Variants in AFF1 observed in about 807,000 individuals in gnomAD.
AFF1 encodes the protein ALF transcription elongation factor 1.
AFF1 carries 48 observed loss-of-function variants against 121.7 expected under a neutral mutation model. That is an observed-to-expected ratio of 0.39 (90% CI 0.31 to 0.50). The LOEUF is 0.50. AFF1 is among the 20% of genes least tolerant of loss of function. The pLI, the probability that AFF1 is intolerant of heterozygous loss-of-function variation, is 0.76. For missense variants in AFF1, 1,523 were observed against 1,511.7 expected (o/e 1.01, Z -0.12); for synonymous variants, 613 against 563.0 (o/e 1.09, Z -1.26).
chr4:87,125,467 A>G (rs553206942), intron 13 of AFF1, among the ~76,000 whole-genome samples: 25 of 152,290 alleles, frequency 1.6e-4, no homozygotes, highest in Non-Finnish European at 3.2e-4. Context: ...ACAAACACAC[A>G]GAGAAAATGA....
At chr4:87,134,845 C>T (rs1729165995) in intron 20 of AFF1, 151 bp downstream of exon 20, 1 of 789,284 alleles carries the variant, frequency 1.3e-6, no homozygotes, top group Admixed American at 3.0e-5. Flanking sequence ...TGCCTCAAAA[C>T]CTAGTTGCGG....
At chr4:86,959,374 A>G (rs1409245246) in intron 2 of AFF1, among the ~76,000 whole-genome samples, 1 of 152,222 alleles carries the variant, frequency 6.6e-6, no homozygotes, top group Non-Finnish European at 1.5e-5. Flanking sequence ...TTTACATTAA[A>G]AAAAGAAACC....
intron 2 of AFF1, among the ~76,000 whole-genome samples, chr4:86,961,285 A>G (rs1722125576): frequency 6.6e-6 from 1 of 152,168 alleles, no homozygotes; most frequent in African/African-American, 2.4e-5. Context: ...TGAAAAAGGG[A>G]AAAGGAAGAT....
At chr4:86,962,546 T>A (rs1456726794) in intron 2 of AFF1, among the ~76,000 whole-genome samples, 2 of 152,200 alleles carry the variant, frequency 1.3e-5, no homozygotes, top group Non-Finnish European at 2.9e-5. Flanking sequence ...AACTTCATGA[T>A]GTTCATAGAA....
intron 4 of AFF1, among the ~76,000 whole-genome samples, chr4:87,067,593 C>G (rs1721490577): frequency 6.6e-6 from 1 of 152,172 alleles, no homozygotes; most frequent in Admixed American, 6.5e-5. Flanking sequence ...TGCACAGAGT[C>G]AGGGGCCTGC....
At chr4:86,952,975 T>G (rs1243434096) in intron 2 of AFF1, among the ~76,000 whole-genome samples, 1 of 7,950 alleles carries the variant, frequency 1.3e-4, no homozygotes, top group Non-Finnish European at 2.8e-4. Flanking sequence ...CACCCCCACC[T>G]TCAGCCTCCC....
intron 2 of AFF1, among the ~76,000 whole-genome samples, chr4:86,977,941 A>C (rs1441922188): frequency 6.6e-6 from 1 of 152,072 alleles, no homozygotes; most frequent in African/African-American, 2.4e-5. Flanking sequence ...CTGTGAGGGG[A>C]TACATAGATG....
intron 1 of AFF1, 85 bp downstream of exon 1, chr4:86,935,325 G>A (rs1355047381): frequency 6.6e-6 from 1 of 152,498 alleles, no homozygotes; most frequent in Non-Finnish European, 1.5e-5. Flanking sequence ...CGGAAGCCGA[G>A]GCTCTCCCCG....
intron 8 of AFF1, among the ~76,000 whole-genome samples, chr4:87,104,862 AT>A (rs72230942): frequency 0.027 from 3,889 of 144,078 alleles, 154 homozygotes; most frequent in African/African-American, 0.085. Flanking sequence ...GTTTGAGGAA[AT>A]TTTTTTTTTT....
At chr4:87,060,367 A>G (rs879711901) in intron 4 of AFF1, among the ~76,000 whole-genome samples, 7 of 152,192 alleles carry the variant, frequency 4.6e-5, no homozygotes, top group South Asian at 4.1e-4. Flanking sequence ...GTGTGTGTGT[A>G]TATATACTTC....
intron 4 of AFF1, among the ~76,000 whole-genome samples, chr4:87,050,039 T>G (rs993340972): frequency 6.6e-6 from 1 of 152,232 alleles, no homozygotes; most frequent in Non-Finnish European, 1.5e-5. Context: ...ATTTCAAATT[T>G]TAATATTTCT....
At chr4:86,961,847 G>A (rs572625368) in intron 2 of AFF1, among the ~76,000 whole-genome samples, 19 of 152,116 alleles carry the variant, frequency 1.2e-4, no homozygotes, top group Non-Finnish European at 2.2e-4. Context: ...ACCTCTCAAC[G>A]GTTAGAAGTT....
intron 6 of AFF1, among the ~76,000 whole-genome samples, chr4:87,091,447 T>G (rs1383227860): frequency 1.3e-5 from 2 of 152,214 alleles, no homozygotes; most frequent in African/African-American, 4.8e-5. Context: ...TCATTATTGC[T>G]TGTTTTAAAT....
At chr4:86,977,572 C>G (rs1434676754) in intron 2 of AFF1, among the ~76,000 whole-genome samples, 1 of 152,066 alleles carries the variant, frequency 6.6e-6, no homozygotes, top group Non-Finnish European at 1.5e-5. Flanking sequence ...TTCCCTCACC[C>G]CCTGCATAAT....
At chr4:86,972,001 A>C (rs1373376722) in intron 2 of AFF1, among the ~76,000 whole-genome samples, 2 of 151,960 alleles carry the variant, frequency 1.3e-5, no homozygotes, top group Non-Finnish European at 2.9e-5. Context: ...AGTCGGGAAT[A>C]GTGGCACATG....
intron 2 of AFF1, among the ~76,000 whole-genome samples, chr4:87,023,016 C>G (rs1463113409): frequency 3.9e-5 from 6 of 151,942 alleles, no homozygotes; most frequent in Admixed American, 3.9e-4. Flanking sequence ...GATCCTCTTG[C>G]CTCACCCTCC....
At chr4:87,118,458 A>G (rs1215617378) in intron 12 of AFF1, among the ~76,000 whole-genome samples, 1 of 152,238 alleles carries the variant, frequency 6.6e-6, no homozygotes, top group East Asian at 1.9e-4. Context: ...AGATTTTCTA[A>G]TACCAACTTA....
intron 2 of AFF1, among the ~76,000 whole-genome samples, chr4:87,033,391 G>C (rs540174727): frequency 6.6e-6 from 1 of 152,282 alleles, no homozygotes; most frequent in African/African-American, 2.4e-5. Flanking sequence ...ATTGTATGTG[G>C]TGCAATTGGT....
chr4:87,124,825 A>G (rs1240705680), intron 12 of AFF1, among the ~76,000 whole-genome samples: 2 of 152,184 alleles, frequency 1.3e-5, no homozygotes, highest in Non-Finnish European at 2.9e-5. Context: ...AATCTGTCTC[A>G]ATAGAAATTA....
Sources: allele counts gnomAD v4.1 joint callset (sites outside exome capture counted in the v4.1 genomes callset), GRCh38; gene constraint gnomAD v4.1.1; transcripts MANE v1.5; gene names NCBI Gene and HGNC (gene_info 2026-07-23, HGNC 2026-07-21).